FAM193A: variants seen among roughly 807,000 people sequenced by gnomAD.
FAM193A encodes the protein protein FAM193A.
In FAM193A, 22 loss-of-function variants were observed where a neutral mutation model predicts 126.5. The ratio of observed to expected loss-of-function variants is 0.17; its 90% CI spans 0.12 to 0.25. FAM193A has a LOEUF of 0.25. FAM193A is among the 10% of genes least tolerant of loss of function. FAM193A has a pLI of 1.00. For synonymous variants in FAM193A, 761 were observed against 646.8 expected (o/e 1.18, Z -2.68); for missense variants, 1,675 against 1,672.8 (o/e 1.00, Z -0.02).
In FAM193A at chr4:2,693,495, T is replaced by C. The variant is rs925223307; in HGVS notation, c.2804-91T>C. The C allele has an allele frequency of 3.3e-6, 4 of 1,205,184 alleles. No homozygotes were observed. The African/African-American group carries it at 4.5e-5, about 14-fold the overall frequency. The allele number at this position is 1,205,184 out of a possible 1,614,324, so 74.7% of individuals were successfully genotyped here. On this transcript the variant is annotated intron_variant, in intron 15 of 20. Coordinates refer to ENST00000637812, the MANE Select transcript of FAM193A (RefSeq NM_001366318.2). ...AAGATGAAGCAAGGTGAAGGATGAA[T>C]GGGTACTCTTTGTGTGTTCTTTCAG...
chr4:2,714,847 C>T (rs1287929364), intron 19 of FAM193A, among the ~76,000 whole-genome samples: 1 of 152,126 alleles, frequency 6.6e-6, no homozygotes, highest in Non-Finnish European at 1.5e-5. Context: ...AAAGAAATGT[C>T]AGTGGCTCCT....
At chr4:2,701,937 C>T (rs755166589) in intron 19 of FAM193A, among the ~76,000 whole-genome samples, 7 of 152,038 alleles carry the variant, frequency 4.6e-5, no homozygotes, top group East Asian at 3.9e-4. Flanking sequence ...CCACCACACC[C>T]GGCTAATTTT....
intron 1 of FAM193A, among the ~76,000 whole-genome samples, chr4:2,581,141 CA>C (rs569323669): frequency 1.4e-5 from 2 of 145,400 alleles, no homozygotes; most frequent in African/African-American, 2.5e-5. Context: ...AAAACAACAA[CA>C]AAAAAAAAAC....
At chr4:2,672,829 G>A (rs1034004698) in intron 13 of FAM193A, among the ~76,000 whole-genome samples, 3 of 152,116 alleles carry the variant, frequency 2.0e-5, no homozygotes, top group Non-Finnish European at 4.4e-5. Flanking sequence ...AGAAATACAC[G>A]AGCCTAAATA....
At chr4:2,620,308 C>T (rs1336240552) in intron 2 of FAM193A, among the ~76,000 whole-genome samples, 2 of 152,168 alleles carry the variant, frequency 1.3e-5, no homozygotes, top group East Asian at 1.9e-4. Flanking sequence ...GAGTGTACTG[C>T]GTTCCAGCCA....
At chr4:2,681,352 T>C (rs75417364) in intron 13 of FAM193A, among the ~76,000 whole-genome samples, 4,711 of 152,280 alleles carry the variant, frequency 0.031, 225 homozygotes, top group African/African-American at 0.11. Flanking sequence ...TGATCATTAA[T>C]CTCTGCTCTA....
At chr4:2,677,959 G>GT (rs934221784) in intron 13 of FAM193A, among the ~76,000 whole-genome samples, 16 of 152,000 alleles carry the variant, frequency 1.1e-4, no homozygotes, top group African/African-American at 3.9e-4. Context: ...ATTTATTTAT[G>GT]TTTTTTTAAT....
At chr4:2,578,424 T>G (rs1391216125) in intron 1 of FAM193A, among the ~76,000 whole-genome samples, 1 of 152,116 alleles carries the variant, frequency 6.6e-6, no homozygotes, top group African/African-American at 2.4e-5. Flanking sequence ...GTATCTCATT[T>G]GATTCTGTGG....
intron 13 of FAM193A, among the ~76,000 whole-genome samples, chr4:2,680,834 G>A (rs953553366): frequency 2.0e-5 from 3 of 151,766 alleles, no homozygotes; most frequent in African/African-American, 7.3e-5. Flanking sequence ...TAGAGATGGG[G>A]TTTCACCATG....
intron 1 of FAM193A, among the ~76,000 whole-genome samples, chr4:2,586,009 C>T (rs570826832): frequency 8.6e-5 from 13 of 152,042 alleles, no homozygotes; most frequent in Middle Eastern, 3.4e-3. Flanking sequence ...TTTGGGAGGC[C>T]GAAGCTGGTG....
At chr4:2,678,643 A>G (rs1302990169) in intron 13 of FAM193A, among the ~76,000 whole-genome samples, 1 of 152,080 alleles carries the variant, frequency 6.6e-6, no homozygotes, top group Admixed American at 6.5e-5. Flanking sequence ...GATTACAGGC[A>G]TGAGCCACTG....
intron 20 of FAM193A, among the ~76,000 whole-genome samples, chr4:2,730,642 A>G (rs1721268538): frequency 6.6e-6 from 1 of 151,816 alleles, no homozygotes; most frequent in South Asian, 2.1e-4. Context: ...GTGAACCGAG[A>G]TCACGCCACT....
intron 2 of FAM193A, chr4:2,608,222 A>G (rs1741657667): frequency 8.9e-7 from 1 of 1,129,444 alleles, no homozygotes; most frequent in Non-Finnish European, 1.3e-6. Flanking sequence ...GGTCTCGCCC[A>G]GTATGGAGTG....
chr4:2,563,099 C>T lies in FAM193A; in HGVS notation c.255+25929C>T, dbSNP rs190431166. Among the ~76,000 whole-genome samples the T allele has an allele frequency of 2.5e-3, 379 of 152,036 alleles. 2 individuals carry two copies. Among genetic ancestry groups the T allele is most frequent in the African/African-American group, 8.7e-3 (360 of 41,444 alleles). On this transcript the variant is annotated intron_variant, in intron 1 of 20. Coordinates refer to ENST00000637812, the MANE Select transcript of FAM193A (RefSeq NM_001366318.2). ...AACTGGGATTACAGGCGCCTGCCACCATGCCCAGCTAATTTTTGTATTTTT... is the reference window on the plus strand; with the variant it reads ...AACTGGGATTACAGGCGCCTGCCACTATGCCCAGCTAATTTTTGTATTTTT...
At chr4:2,688,339 G>A (rs1055281427) in intron 13 of FAM193A, among the ~76,000 whole-genome samples, 1 of 152,142 alleles carries the variant, frequency 6.6e-6, no homozygotes, top group African/African-American at 2.4e-5. Context: ...CTTGGTCTTG[G>A]GTGTTGGTTC....
intron 17 of FAM193A, 49 bp from the exon 18 acceptor site, chr4:2,696,314 T>C (rs1049020123): frequency 7.9e-7 from 1 of 1,272,796 alleles, no homozygotes; most frequent in African/African-American, 1.5e-5. Context: ...TGAAATTTAT[T>C]ATATTCAAAA....
intron 16 of FAM193A, 49 bp from the exon 17 acceptor site, chr4:2,694,897 T>C: frequency 6.7e-7 from 1 of 1,500,428 alleles, no homozygotes; most frequent in Non-Finnish European, 9.0e-7. Context: ...TGTGAGTCAT[T>C]GCCTCCCGGG....
intron 1 of FAM193A, among the ~76,000 whole-genome samples, chr4:2,547,142 C>T (rs1220519009): frequency 5.9e-5 from 9 of 151,864 alleles, no homozygotes; most frequent in Non-Finnish European, 1.0e-4. Flanking sequence ...AATTCCAGCA[C>T]GTTGGGAGGC....
At chr4:2,567,421 T>C (rs1356433843) in intron 1 of FAM193A, among the ~76,000 whole-genome samples, 2 of 152,232 alleles carry the variant, frequency 1.3e-5, no homozygotes, top group Non-Finnish European at 1.5e-5. Flanking sequence ...CCAGTAAAAC[T>C]GACTCTCTAA....
Sources: gnomAD v4.1 joint callset for allele counts (sites outside exome capture counted in the v4.1 genomes callset) on GRCh38, gnomAD v4.1.1 for gene constraint, MANE v1.5 for transcripts, NCBI Gene and HGNC (gene_info 2026-07-23, HGNC 2026-07-21) for gene names.